Variants in FAM210A observed in about 807,000 individuals in gnomAD.
FAM210A encodes the protein mitochondrial inner membrane scaffold 1.
A neutral mutation model predicts 25.3 loss-of-function variants in FAM210A; 13 were observed. That is an observed-to-expected ratio of 0.51 (90% CI 0.33 to 0.82). The LOEUF (loss-of-function observed/expected upper bound fraction) is 0.82, where lower values mean the gene tolerates loss of function less well. Ranked by LOEUF, FAM210A falls within the 40% of genes least tolerant of loss-of-function variation. The pLI is 0.02. For synonymous variants in FAM210A, 125 were observed against 118.7 expected (o/e 1.05, Z -0.35); for missense variants, 319 against 323.2 (o/e 0.99, Z 0.10).
At chr18:13,698,504 C>T (rs985914286) in intron 1 of FAM210A, among the ~76,000 whole-genome samples, 1 of 151,934 alleles carries the variant, frequency 6.6e-6, no homozygotes, top group Admixed American at 6.6e-5. Context: ...AGATTCATTC[C>T]TTTCCACCTC....
chr18:13,685,458 C>T (rs752679093), intron 1 of FAM210A, among the ~76,000 whole-genome samples: 26 of 152,136 alleles, frequency 1.7e-4, no homozygotes, highest in Non-Finnish European at 3.5e-4. Context: ...TCTCTAAGGA[C>T]GGCCACCTTT....
intron 1 of FAM210A, among the ~76,000 whole-genome samples, chr18:13,704,583 T>C (rs1402341983): frequency 1.3e-5 from 2 of 152,192 alleles, no homozygotes; most frequent in African/African-American, 2.4e-5. Flanking sequence ...CAAAATTGTC[T>C]TTTCTAACTT....
chr18:13,685,570 C>T (rs757037757), intron 1 of FAM210A, among the ~76,000 whole-genome samples: 2 of 152,146 alleles, frequency 1.3e-5, no homozygotes, highest in East Asian at 3.8e-4. Flanking sequence ...ATAACTCTTC[C>T]AACCAATTGC....
At chr18:13,676,534 G>A (rs1314373661) in intron 2 of FAM210A, among the ~76,000 whole-genome samples, 3 of 152,174 alleles carry the variant, frequency 2.0e-5, no homozygotes, top group African/African-American at 4.8e-5. Flanking sequence ...TTGCCATGAT[G>A]GCTCTTGCTC....
intron 1 of FAM210A, among the ~76,000 whole-genome samples, chr18:13,694,487 CA>C (rs1202510500): frequency 2.0e-5 from 3 of 152,154 alleles, no homozygotes; most frequent in Non-Finnish European, 4.4e-5. Flanking sequence ...CTACAGTAAC[CA>C]AAACAGCATG....
At chr18:13,686,492 T>G (rs1201719238) in intron 1 of FAM210A, among the ~76,000 whole-genome samples, 1 of 152,244 alleles carries the variant, frequency 6.6e-6, no homozygotes, top group Non-Finnish European at 1.5e-5. Context: ...CCCACAATTT[T>G]GCCTTTAAAA....
At chr18:13,707,956 T>C (rs1320453941) in intron 1 of FAM210A, among the ~76,000 whole-genome samples, 1 of 152,202 alleles carries the variant, frequency 6.6e-6, no homozygotes, top group African/African-American at 2.4e-5. Flanking sequence ...TCTCTCTGAA[T>C]CTGCTGGGAT....
At chr18:13,717,789 G>A (rs560046234) in intron 1 of FAM210A, among the ~76,000 whole-genome samples, 9 of 152,266 alleles carry the variant, frequency 5.9e-5, no homozygotes, top group Admixed American at 4.6e-4. Flanking sequence ...TAACAGGCTC[G>A]AGAAAAGACT....
At chr18:13,723,742 T>G (rs561961726) in intron 1 of FAM210A, among the ~76,000 whole-genome samples, 2 of 152,330 alleles carry the variant, frequency 1.3e-5, no homozygotes, top group East Asian at 1.9e-4. Flanking sequence ...CTAGCTAAGC[T>G]GACATAATAA....
Position 13,682,005 on chromosome 18 carries a change from G to A in FAM210A, c.73C>T (p.Leu25Phe), listed in dbSNP as rs763468795. 6.2e-7 allele frequency: 1 copy of A among 1,614,122 alleles called. No homozygotes were observed. Among genetic ancestry groups the A allele is most frequent in the East Asian group, 2.2e-5 (1 of 44,888 alleles). The change falls in exon 2 of 4, where the codon CTC (leucine) becomes TTC (phenylalanine). Residue 25 changes from leucine to phenylalanine, a missense_variant. Physicochemically the swap from Leu to Phe is conservative, Grantham distance 22. Coordinates refer to ENST00000651643, the MANE Select transcript of FAM210A (RefSeq NM_152352.4). ...TTTACATTTTGACAGTGTCCAAAGA[G>A]ACCAGCATTATGTGGTTCCAAGCAT... is the stretch of plus-strand genomic sequence containing the variant. ...RTCLEPHNAG[L>F]FGHCQNVKGP...
chr18:13,684,070 G>A (rs560608663), intron 1 of FAM210A, among the ~76,000 whole-genome samples: 67 of 152,140 alleles, frequency 4.4e-4, no homozygotes, highest in Non-Finnish European at 7.6e-4. Context: ...TGCAAATCTT[G>A]CAAAATAAAT....
At chr18:13,719,345 T>C (rs903505656) in intron 1 of FAM210A, among the ~76,000 whole-genome samples, 4 of 152,188 alleles carry the variant, frequency 2.6e-5, no homozygotes, top group Non-Finnish European at 5.9e-5. Flanking sequence ...ATTTATCACG[T>C]CCAAGAAGTT....
At chr18:13,684,268 G>A (rs1182037609) in intron 1 of FAM210A, among the ~76,000 whole-genome samples, 2 of 152,048 alleles carry the variant, frequency 1.3e-5, no homozygotes, top group Non-Finnish European at 2.9e-5. Context: ...GCATGGTGGT[G>A]CACGCCTGTA....
At position 13,663,966 on chromosome 18, in the gene FAM210A, A is replaced by G. The variant is rs2043380120; in HGVS notation, c.*2514T>C. ...AAATGAGGTCTATTATACATAGCAA[A>G]CTATACTGTATATATTCTCAATTAT... On this transcript the variant is annotated 3_prime_UTR_variant, in exon 4 of 4. Transcript: ENST00000651643. 6.6e-6 allele frequency: 1 copy of G among 152,216 alleles called. No homozygotes were observed. Among genetic ancestry groups the G allele is most frequent in the African/African-American group, 2.4e-5 (1 of 41,442 alleles). 9.4% of individuals were successfully genotyped at this position (152,216 alleles called of 1,614,324 possible). A position where few individuals can be genotyped will look rare whatever the true frequency, so the allele number is the denominator to read the frequency against.
intron 1 of FAM210A, among the ~76,000 whole-genome samples, chr18:13,725,450 C>T (rs1416890290): frequency 6.6e-6 from 1 of 152,216 alleles, no homozygotes; most frequent in Non-Finnish European, 1.5e-5. Context: ...GCAAATGCTG[C>T]CTTCCCCAAA....
intron 1 of FAM210A, among the ~76,000 whole-genome samples, chr18:13,685,998 C>T (rs2043594074): frequency 6.6e-6 from 1 of 151,844 alleles, no homozygotes; most frequent in Non-Finnish European, 1.5e-5. Context: ...GAAAAGAAAA[C>T]AAAAAATATC....
chr18:13,695,531 G>A (rs149419728), intron 1 of FAM210A, among the ~76,000 whole-genome samples: 1,894 of 152,312 alleles, frequency 0.012, 43 homozygotes, highest in African/African-American at 0.04. Flanking sequence ...ATACTATGCA[G>A]CCATAAAAAA....
At chr18:13,724,877 G>A (rs1355677992) in intron 1 of FAM210A, among the ~76,000 whole-genome samples, 1 of 152,040 alleles carries the variant, frequency 6.6e-6, no homozygotes, top group African/African-American at 2.4e-5. Context: ...GGGTTTAAGC[G>A]ATTCTCCTGC....
chr18:13,700,625 T>C (rs1230957941), intron 1 of FAM210A, among the ~76,000 whole-genome samples: 1 of 152,228 alleles, frequency 6.6e-6, no homozygotes, highest in Non-Finnish European at 1.5e-5. Flanking sequence ...CCATCACTTG[T>C]CCAGAATCCT....
Sources: gnomAD v4.1 joint callset for allele counts (sites outside exome capture counted in the v4.1 genomes callset) on GRCh38, gnomAD v4.1.1 for gene constraint, MANE v1.5 for transcripts, NCBI Gene and HGNC (gene_info 2026-07-23, HGNC 2026-07-21) for gene names.